The following HPN variants were observed in gnomAD, a reference collection of about 807,000 sequenced individuals.
HPN encodes serine protease hepsin.
Under a neutral mutation model 55.9 loss-of-function variants are expected in HPN, and 13 were observed. The observed-to-expected ratio is 0.23, with a 90% confidence interval of 0.15 to 0.37. The LOEUF (loss-of-function observed/expected upper bound fraction) is 0.37, where lower values mean the gene tolerates loss of function less well. Ranked by LOEUF, HPN falls within the 10% of genes least tolerant of loss-of-function variation. The probability of loss-of-function intolerance (pLI) is 1.00; values close to 1 mark genes in which losing one functional copy is unlikely to be tolerated. For synonymous variants in HPN, 225 were observed against 240.3 expected (o/e 0.94, Z 0.59); for missense variants, 451 against 575.8 (o/e 0.78, Z 2.22).
At chr19:35,061,335 A>G (rs980055947) in intron 9 of HPN, among the ~76,000 whole-genome samples, 2 of 151,662 alleles carry the variant, frequency 1.3e-5, no homozygotes, top group Non-Finnish European at 2.9e-5. Context: ...ATCTCTACTA[A>G]AAATACAAAA....
intron 2 of HPN, 150 bp downstream of exon 2, chr19:35,042,672 T>C (rs1363575706): frequency 3.2e-6 from 2 of 633,910 alleles, no homozygotes; most frequent in Non-Finnish European, 5.5e-6. Context: ...CTCCACCTGA[T>C]TAACTATTAA....
At chr19:35,050,749 G>A (rs1225742547) in intron 4 of HPN, among the ~76,000 whole-genome samples, 1 of 152,026 alleles carries the variant, frequency 6.6e-6, no homozygotes, top group Non-Finnish European at 1.5e-5. Context: ...AATCAGAAAT[G>A]AAAATCCAGA....
At chr19:35,056,052 C>T (rs1244388517) in intron 4 of HPN, among the ~76,000 whole-genome samples, 2 of 152,184 alleles carry the variant, frequency 1.3e-5, no homozygotes, top group African/African-American at 2.4e-5. Context: ...GTCCCCCACA[C>T]CAGCCTTGGG....
chr19:35,053,432 C>G (rs1056912617), intron 4 of HPN, among the ~76,000 whole-genome samples: 41 of 152,012 alleles, frequency 2.7e-4, no homozygotes, highest in African/African-American at 9.9e-4. Flanking sequence ...ATTCCCTGCC[C>G]CAACCCCAGA....
At chr19:35,042,599 C>T in intron 2 of HPN, 77 bp downstream of exon 2, 1 of 1,245,164 alleles carries the variant, frequency 8.0e-7, no homozygotes, top group Non-Finnish European at 1.1e-6. Context: ...CTACCCTCTA[C>T]TCTTCGGAGC....
Position 35,065,575 on chromosome 19 carries a change from C to G in HPN, c.944C>G (p.Pro315Arg). Residue 315 changes from proline (P) to arginine (R), a missense_variant, in exon 11 of 13, where the codon CCC becomes CGC. This residue lies in a region of HPN where 378 missense variants were observed against 445.5 expected (regional missense o/e 0.85). Coordinates refer to ENST00000672452, the MANE Select transcript of HPN (RefSeq NM_001384133.1). ...QAGVLQEARV[P>R]IISNDVCNGA... The stretch of plus-strand genomic sequence containing the variant: ...GGGGTACTCCAGGAGGCTCGAGTCC[C>G]CATAATCAGCAATGATGTCTGCAAT... 1 of 1,614,122 alleles carries G rather than the reference C, an allele frequency of 6.2e-7. No homozygotes were observed. The highest frequency in any genetic ancestry group is 8.5e-7 in the Non-Finnish European group (1 of 1,180,006).
chr19:35,065,915 G>A lies in HPN; in HGVS notation c.1098G>A (p.Thr366=), dbSNP rs374776259. 4.6e-5 allele frequency: 74 copies of A among 1,614,108 alleles called. No homozygotes were observed. The highest frequency in any genetic ancestry group is 1.6e-4 in the Middle Eastern group (1 of 6,062). ...TGTGTGAGGACAGCATCTCTCGGAC[G>A]CCACGTTGGCGGCTGTGTGGCATTG... The part of the protein sequence containing the change: ...PFVCEDSISR[T]PRWRLCGIVS... The change falls in exon 12 of 13, where the codon ACG becomes ACA. Residue 366 remains threonine, a synonymous_variant. Transcript: ENST00000672452.
chr19:35,054,900 C>T (rs968191270), intron 4 of HPN, among the ~76,000 whole-genome samples: 15 of 152,110 alleles, frequency 9.9e-5, no homozygotes, highest in African/African-American at 3.6e-4. Context: ...GTGGGAAGAC[C>T]CCTCAGCTGG....
At chr19:35,046,002 C>T (rs1450622581) in intron 2 of HPN, among the ~76,000 whole-genome samples, 1 of 152,208 alleles carries the variant, frequency 6.6e-6, no homozygotes, top group Non-Finnish European at 1.5e-5. Context: ...TTCTGCATGG[C>T]CTAGAGCCCT....
At chr19:35,057,425 C>CA (rs576575533) in intron 4 of HPN, among the ~76,000 whole-genome samples, 19,139 of 86,646 alleles carry the variant, frequency 0.22, 1,775 homozygotes, top group African/African-American at 0.4. Context: ...GACTCTGTCT[C>CA]AAAAAAAAAA....
At chr19:35,060,295 G>A (rs1198730530) in intron 7 of HPN, 52 bp from the exon 8 acceptor site, 3 of 1,607,656 alleles carry the variant, frequency 1.9e-6, no homozygotes, top group Admixed American at 1.7e-5. Context: ...GGGCTCTGGG[G>A]ACCTGGGCTC....
chr19:35,064,982 C>T (rs1044697486), intron 9 of HPN, among the ~76,000 whole-genome samples: 3 of 152,042 alleles, frequency 2.0e-5, no homozygotes, highest in African/African-American at 7.2e-5. Flanking sequence ...CCACCATGCC[C>T]GGCTAATTTT....
At chr19:35,059,601 G>A (rs777342333) in intron 4 of HPN, 72 bp from the exon 5 acceptor site, 9 of 1,538,274 alleles carry the variant, frequency 5.9e-6, no homozygotes, top group Non-Finnish European at 7.0e-6. Context: ...GCCAGGAGGG[G>A]CTCCGGCTGG....
rs2151765373 is a variant in HPN at position 35,060,113 on chromosome 19, A to T, written c.414-16A>T. ...TATTTCCTTTCTTTCTGTGTCTCCA[A>T]TCCCATCTCTCCCAGTGATTGCCCC... On this transcript the variant is annotated splice_polypyrimidine_tract_variant and intron_variant, in intron 6 of 12. Transcript: ENST00000672452. The T allele has an allele frequency of 1.2e-6, 2 of 1,613,868 alleles. No homozygotes were observed. The highest frequency in any genetic ancestry group is 4.5e-5 in the East Asian group (2 of 44,866).
In HPN at chr19:35,041,868, C is replaced by A; in HGVS notation, c.-59C>A. On this transcript the variant is annotated 5_prime_UTR_variant, in exon 1 of 13. Coordinates refer to ENST00000672452, the MANE Select transcript of HPN (RefSeq NM_001384133.1). ...AGGCTCCGCCCCCACCTGCTGGACC[C>A]CAGGGTAAGGACAAGGGCCCCCAGA... 7.5e-7 allele frequency: 1 copy of A among 1,341,558 alleles called. No individual in the cohort carries two copies. The highest frequency in any genetic ancestry group is 9.8e-7 in the Non-Finnish European group (1 of 1,017,418). 83.1% of individuals were successfully genotyped at this position (1,341,558 alleles called of 1,614,324 possible).
rs773449066 is a variant in HPN at position 35,060,369 on chromosome 19, C to A, written c.477C>A (p.Pro159=). The change falls in exon 8 of 13, where the codon CCC becomes CCA. Residue 159 remains proline, a synonymous_variant. Coordinates refer to ENST00000672452, the MANE Select transcript of HPN (RefSeq NM_001384133.1). ...CAGACTGTGGCCGCAGGAAGCTGCCCGTGGACCGCATCGTGGGAGGCCGGG... is the reference window on the plus strand; with the variant it reads ...CAGACTGTGGCCGCAGGAAGCTGCCAGTGGACCGCATCGTGGGAGGCCGGG... ...ICQDCGRRKL[P]VDRIVGGRDT... The A allele has an allele frequency of 2.5e-6, 4 of 1,612,110 alleles. No homozygotes were observed. In the South Asian group the frequency reaches 4.4e-5, roughly 18 times the overall value.
upstream of HPN, among the ~76,000 whole-genome samples, chr19:35,040,869 G>A (rs1198335802): frequency 6.6e-6 from 1 of 152,198 alleles, no homozygotes; most frequent in East Asian, 1.9e-4. Flanking sequence ...GGGTTTGGCT[G>A]GGCACAGCGG....
intron 4 of HPN, among the ~76,000 whole-genome samples, chr19:35,050,280 G>A (rs911302951): frequency 6.6e-6 from 1 of 152,142 alleles, no homozygotes; most frequent in Non-Finnish European, 1.5e-5. Flanking sequence ...GTGCCACCAT[G>A]CCCAGTTAAT....
chr19:35,050,907 TTTCTTTC>T (rs2064397113), intron 4 of HPN, among the ~76,000 whole-genome samples: 4 of 128,964 alleles, frequency 3.1e-5, no homozygotes, highest in South Asian at 2.4e-4. Context: ...TCTTTCTTTC[TTTCTTTC>T]TTTTTTTTTT....
Sources: allele counts gnomAD v4.1 joint callset (sites outside exome capture counted in the v4.1 genomes callset), GRCh38; gene constraint gnomAD v4.1.1; regional missense constraint gnomAD v4.1.1; transcripts MANE v1.5; gene names NCBI Gene and HGNC (gene_info 2026-07-23, HGNC 2026-07-21).